BAZ2A: variants seen among roughly 807,000 people sequenced by gnomAD.
BAZ2A encodes the protein bromodomain adjacent to zinc finger domain 2A, also known as bromodomain adjacent to zinc finger domain protein 2A.
In BAZ2A, 34 loss-of-function variants were observed where a neutral mutation model predicts 199.9. The observed-to-expected ratio is 0.17, with a 90% CI of 0.13 to 0.23. BAZ2A has a LOEUF of 0.23. BAZ2A is among the 10% of genes least tolerant of loss of function. The pLI is 1.00. For synonymous variants in BAZ2A, 857 were observed against 883.9 expected, an observed-to-expected ratio of 0.97 and a Z score of 0.54; for missense variants, 2,002 against 2,391.1, an observed-to-expected ratio of 0.84 and a Z score of 3.39.
chr12:56,601,912 A>C lies in BAZ2A; in HGVS notation c.3705T>G (p.Leu1235=). 6.2e-7 allele frequency: 1 copy of C among 1,603,776 alleles called. No individual in the cohort carries two copies. The highest frequency in any genetic ancestry group is 8.5e-7 in the Non-Finnish European group (1 of 1,174,940). Residue 1235 remains leucine, a synonymous_variant, in exon 20 of 29, where the codon CTT becomes CTG. Transcript: ENST00000549884. Reference sequence around the variant, plus strand: ...CCTTATGGGACTGAAGCTGAAGCTGAAGCTGAGGCTGGGGCTGGGCAGGAG... The same window carrying C: ...CCTTATGGGACTGAAGCTGAAGCTGCAGCTGAGGCTGGGGCTGGGCAGGAG... ...LHAPAQPQPQ[L]QLQLQSHKGF...
chr12:56,607,237 T>C (rs1950390986), intron 10 of BAZ2A, among the ~76,000 whole-genome samples: 1 of 152,150 alleles, frequency 6.6e-6, no homozygotes, highest in African/African-American at 2.4e-5. Context: ...ATCACTGACA[T>C]AGTTATTGAT....
intron 3 of BAZ2A, chr12:56,614,382 T>C (rs546076548): frequency 3.4e-4 from 145 of 431,876 alleles, no homozygotes; most frequent in African/African-American, 2.7e-3. Context: ...TCTATCATGT[T>C]CTCAGATATC....
intron 1 of BAZ2A, among the ~76,000 whole-genome samples, chr12:56,625,748 C>T (rs942044540): frequency 4.6e-5 from 7 of 151,248 alleles, no homozygotes; most frequent in African/African-American, 1.5e-4. Context: ...TGGTGGCGCG[C>T]GCCTGTAGTC....
chr12:56,617,993 T>C (rs984976573), intron 1 of BAZ2A, among the ~76,000 whole-genome samples: 2 of 152,210 alleles, frequency 1.3e-5, no homozygotes, highest in East Asian at 3.8e-4. Context: ...ATAAACACTC[T>C]TTGTTTCATT....
Position 56,611,940 on chromosome 12 carries a change from T to C in BAZ2A, c.1442A>G (p.Glu481Gly), listed in dbSNP as rs556736559. The change falls in exon 6 of 29, where the codon GAA becomes GGA. Residue 481 changes from glutamate (E) to glycine (G), a missense_variant. Glu to Gly is a moderately conservative substitution (Grantham distance 98). Transcript: ENST00000549884. ...SSAVLPAVSL[E>G]VPLTASVTSP... ...TGTCACTGAAGCCGTCAACGGGACTTCTAAGGAGACTGCTGGGAGGACTGC... is the reference window on the plus strand; with the variant it reads ...TGTCACTGAAGCCGTCAACGGGACTCCTAAGGAGACTGCTGGGAGGACTGC... 6.8e-6 allele frequency: 11 copies of C among 1,612,600 alleles called. No homozygotes were observed. The East Asian group carries it at 2.5e-4, about 36-fold the overall frequency.
At chr12:56,600,873 T>C (rs755091322) in intron 22 of BAZ2A, 41 bp from the exon 23 acceptor site, 1 of 1,611,850 alleles carries the variant, frequency 6.2e-7, no homozygotes, top group Non-Finnish European at 8.5e-7. Flanking sequence ...CATCAGGCTG[T>C]TGTCCCTAGC....
chr12:56,620,581 CAG>C (rs1427789541), intron 1 of BAZ2A, among the ~76,000 whole-genome samples: 2 of 137,922 alleles, frequency 1.5e-5, no homozygotes, highest in South Asian at 2.1e-4. Context: ...TTTTTTGAGA[CAG>C]AGTTTCCCTC....
In BAZ2A at chr12:56,603,668, C is replaced by A. The variant is rs756735051; in HGVS notation, c.3071G>T (p.Arg1024Leu). ...LKTVLAKRTG[R>L]SEVEMEGPEE... ...TGGCCCTTCCATCTCTACTTCAGAC[C>A]GCCCAGTTCGCTTGGCCAGAACAGT... Residue 1024 changes from arginine to leucine, a missense_variant, in exon 17 of 29, where the codon CGG becomes CTG. Around this residue, in one of 6 missense-constraint regions of BAZ2A, gnomAD observed 1,081 missense variants for 1,274.7 expected, o/e 0.85. Transcript: ENST00000549884. The A allele has an allele frequency of 6.2e-7, 1 of 1,614,022 alleles. No individual in the cohort carries two copies.
In BAZ2A at chr12:56,600,301, G is replaced by T; in HGVS notation, c.4792C>A (p.Arg1598=). Residue 1598 remains arginine, a synonymous_variant, in exon 24 of 29, where the codon CGG becomes AGG. Coordinates refer to ENST00000549884, the MANE Select transcript of BAZ2A (RefSeq NM_001300905.2). The part of the protein sequence containing the change: ...LAALEQNVER[R]YLREPLWPTH... The stretch of plus-strand genomic sequence containing the variant: ...GGCCAGAGGGGCTCCCGCAGGTACC[G>T]CCGTTCTACATTCTGTTCCAGGGCA... 1 of 1,613,978 alleles carries T rather than the reference G, an allele frequency of 6.2e-7. No individual in the cohort carries two copies. Among genetic ancestry groups the T allele is most frequent in the Non-Finnish European group, 8.5e-7 (1 of 1,179,884 alleles).
chr12:56,627,648 A>C (rs1256512169), intron 1 of BAZ2A, among the ~76,000 whole-genome samples: 2 of 151,428 alleles, frequency 1.3e-5, no homozygotes, highest in Non-Finnish European at 2.9e-5. Flanking sequence ...AAACTGGCAA[A>C]ACCCCACCTC....
chr12:56,620,463 T>A (rs1004303772), intron 1 of BAZ2A, among the ~76,000 whole-genome samples: 2 of 151,974 alleles, frequency 1.3e-5, no homozygotes, highest in Admixed American at 6.5e-5. Flanking sequence ...ATCATGCCAC[T>A]GCATTCCAGC....
chr12:56,602,266 A>C (rs527377781), intron 19 of BAZ2A, 74 bp from the exon 20 acceptor site: 239 of 1,288,526 alleles, frequency 1.9e-4, no homozygotes, highest in Admixed American at 8.7e-4. Context: ...TAAACTTAGG[A>C]CCTATACTTT....
chr12:56,632,508 A>G (rs59711560), upstream of BAZ2A, among the ~76,000 whole-genome samples: 19,014 of 151,898 alleles, frequency 0.13, 3,346 homozygotes, highest in African/African-American at 0.4. Context: ...CACACCCACC[A>G]CTGGCTCCAC....
chr12:56,636,042 T>TGTGCCCCCC (rs1327729585), intron 1 of BAZ2A: 1 of 1,082,458 alleles, frequency 9.2e-7, no homozygotes, highest in Non-Finnish European at 1.3e-6. Context: ...AGCTGAGCCC[T>TGTGCCCCCC]GTGCCCCCCG....
At chr12:56,620,372 G>A (rs1316824844) in intron 1 of BAZ2A, among the ~76,000 whole-genome samples, 1 of 151,998 alleles carries the variant, frequency 6.6e-6, no homozygotes, top group Non-Finnish European at 1.5e-5. Context: ...ATGATGGTGA[G>A]CAGCTGCAGT....
rs1311448453 is a variant in BAZ2A at position 56,605,861 on chromosome 12, G to A, written c.2462C>T (p.Pro821Leu). The A allele has an allele frequency of 2.5e-6, 4 of 1,606,736 alleles. No homozygotes were observed. The highest frequency in any genetic ancestry group is 1.7e-5 in the Admixed American group (1 of 58,996). ...QQMILEEMKK[P>L]TEDMCLTDHQ... The stretch of plus-strand genomic sequence containing the variant: ...GTCAGTCAGACACATATCCTCTGTC[G>A]GCTTCTTCATTTCCTCCAAGATCAT... The change falls in exon 13 of 29, where the codon CCG (proline) becomes CTG (leucine). Residue 821 changes from proline to leucine, a missense_variant. Around this residue, in one of 6 missense-constraint regions of BAZ2A, gnomAD observed 1,081 missense variants for 1,274.7 expected, o/e 0.85. Coordinates refer to ENST00000549884, the MANE Select transcript of BAZ2A (RefSeq NM_001300905.2).
In BAZ2A at chr12:56,599,230, T is replaced by C. The variant is rs1320914992; in HGVS notation, c.5301A>G (p.Glu1767=). The C allele has an allele frequency of 1.9e-6, 3 of 1,613,322 alleles. No homozygotes were observed. The South Asian group carries it at 3.3e-5, about 18-fold the overall frequency. Reference sequence around the variant, plus strand: ...AGTACCGAGGCCCTGCTGCTGGGCTTTCTCGGCCCCTCAACAGTACCCGGC... The same window carrying C: ...AGTACCGAGGCCCTGCTGCTGGGCTCTCTCGGCCCCTCAACAGTACCCGGC... ...RRRRVLLRGR[E]SPAAGPRYSE... The change falls in exon 27 of 29, where the codon GAA becomes GAG. Residue 1767 remains glutamate, a synonymous_variant. Coordinates refer to ENST00000549884, the MANE Select transcript of BAZ2A (RefSeq NM_001300905.2).
At chr12:56,606,529 T>TA (rs1565815923) in intron 11 of BAZ2A, 104 bp downstream of exon 11, 5 of 1,283,282 alleles carry the variant, frequency 3.9e-6, no homozygotes, top group Middle Eastern at 3.7e-4. Flanking sequence ...GTAATGAAGA[T>TA]ATGCTGCTAC....
chr12:56,637,735 C>A (rs1298302618), upstream of BAZ2A, among the ~76,000 whole-genome samples: 1 of 150,580 alleles, frequency 6.6e-6, no homozygotes, highest in Non-Finnish European at 1.5e-5. Context: ...CTATTTTTAA[C>A]CAAGAAGTAG....
Sources: allele counts gnomAD v4.1 joint callset (sites outside exome capture counted in the v4.1 genomes callset), GRCh38; gene constraint gnomAD v4.1.1; regional missense constraint gnomAD v4.1.1; transcripts MANE v1.5; gene names NCBI Gene and HGNC (gene_info 2026-07-23, HGNC 2026-07-21).